DNER: variants seen among roughly 807,000 people sequenced by gnomAD.
DNER encodes the protein delta/notch like EGF repeat containing, also known as delta and Notch-like epidermal growth factor-related receptor.
A neutral mutation model predicts 78.2 loss-of-function variants in DNER; 33 were observed. That is an observed-to-expected ratio of 0.42 (90% CI 0.32 to 0.56). The LOEUF (loss-of-function observed/expected upper bound fraction) is 0.56. Among genes scored for constraint, DNER ranks in the 20% least tolerant of loss-of-function variants. DNER has a pLI of 0.11. For missense variants in DNER, 918 were observed against 975.3 expected (o/e 0.94, Z 0.78); for synonymous variants, 417 against 384.8 (o/e 1.08, Z -0.98).
At chr2:229,418,310 T>C in intron 8 of DNER, 80 bp from the exon 9 acceptor site, 1 of 1,581,994 alleles carries the variant, frequency 6.3e-7, no homozygotes. Context: ...AGGAAGGCAG[T>C]TGGGGGTATT....
chr2:229,541,119 G>C (rs1165286451), intron 5 of DNER, among the ~76,000 whole-genome samples: 1 of 152,206 alleles, frequency 6.6e-6, no homozygotes, highest in Non-Finnish European at 1.5e-5. Context: ...TCAGCAGGAA[G>C]GGGGAGATGA....
At chr2:229,572,278 C>T (rs1045523316) in intron 4 of DNER, among the ~76,000 whole-genome samples, 2 of 152,252 alleles carry the variant, frequency 1.3e-5, no homozygotes, top group Non-Finnish European at 1.5e-5. Context: ...TCTCAACTTG[C>T]GATGTGAATT....
intron 1 of DNER, 124 bp from the exon 2 acceptor site, chr2:229,592,012 T>A (rs1458762757): frequency 5.6e-6 from 7 of 1,257,140 alleles, no homozygotes; most frequent in Non-Finnish European, 6.4e-6. Context: ...TGGAATACAC[T>A]CCTTAACTAC....
At chr2:229,379,554 T>C (rs1574814771) in intron 11 of DNER, among the ~76,000 whole-genome samples, 1 of 152,234 alleles carries the variant, frequency 6.6e-6, no homozygotes, top group Non-Finnish European at 1.5e-5. Context: ...CTTGATGATA[T>C]CCTGTGTGTT....
At chr2:229,424,862 G>A (rs187373661) in intron 8 of DNER, among the ~76,000 whole-genome samples, 13 of 151,908 alleles carry the variant, frequency 8.6e-5, no homozygotes, top group East Asian at 5.8e-4. Flanking sequence ...ATGTTGAGTC[G>A]CATCCCTGAC....
intron 1 of DNER, among the ~76,000 whole-genome samples, chr2:229,610,303 G>A (rs1042290009): frequency 4.6e-5 from 7 of 152,160 alleles, no homozygotes; most frequent in Admixed American, 3.3e-4. Flanking sequence ...ACTCTCAACG[G>A]CCTCACAGCG....
At chr2:229,424,042 A>T (rs145859373) in intron 8 of DNER, among the ~76,000 whole-genome samples, 2,593 of 152,320 alleles carry the variant, frequency 0.017, 41 homozygotes, top group Middle Eastern at 0.058. Context: ...AGGCTACACA[A>T]ATAAAACTGT....
At chr2:229,502,637 CA>C (rs753424563) in intron 6 of DNER, among the ~76,000 whole-genome samples, 9 of 152,060 alleles carry the variant, frequency 5.9e-5, no homozygotes, top group African/African-American at 9.6e-5. Context: ...ATAACAAAAA[CA>C]AAAAACAAGA....
At chr2:229,659,351 CCATT>C (rs1559198767) in intron 1 of DNER, among the ~76,000 whole-genome samples, 1 of 152,144 alleles carries the variant, frequency 6.6e-6, no homozygotes, top group Non-Finnish European at 1.5e-5. Context: ...ACTCCCCACT[CCATT>C]CACTAGCAAG....
chr2:229,503,834 T>C (rs1365144537), intron 6 of DNER, among the ~76,000 whole-genome samples: 1 of 151,942 alleles, frequency 6.6e-6, no homozygotes. Flanking sequence ...CTCTGCCTCC[T>C]GGGTTCAAGT....
chr2:229,661,148 A>AATAAATATT (rs1430579337), intron 1 of DNER, among the ~76,000 whole-genome samples: 1 of 152,246 alleles, frequency 6.6e-6, no homozygotes, highest in African/African-American at 2.4e-5. Flanking sequence ...TGCCTCATGC[A>AATAAATATT]ATAAATATTT....
At chr2:229,425,380 T>C (rs1693851410) in intron 8 of DNER, among the ~76,000 whole-genome samples, 1 of 152,148 alleles carries the variant, frequency 6.6e-6, no homozygotes, top group Non-Finnish European at 1.5e-5. Flanking sequence ...GCTAGTGCTC[T>C]TCCTACTTTT....
chr2:229,377,215 A>C (rs2106330634), intron 11 of DNER, among the ~76,000 whole-genome samples: 1 of 152,322 alleles, frequency 6.6e-6, no homozygotes, highest in Admixed American at 6.5e-5. Flanking sequence ...CATAAATCTA[A>C]AATAGCCTAT....
chr2:229,394,693 G>T (rs932167142), intron 10 of DNER, among the ~76,000 whole-genome samples: 1 of 152,204 alleles, frequency 6.6e-6, no homozygotes, highest in Non-Finnish European at 1.5e-5. Context: ...AAGGAAGGAT[G>T]GCGAGCAGCC....
intron 9 of DNER, among the ~76,000 whole-genome samples, chr2:229,414,214 T>C (rs1693593954): frequency 6.6e-6 from 1 of 152,186 alleles, no homozygotes. Context: ...TTTACCTCCC[T>C]GTTTTCAGCA....
At chr2:229,369,704 C>A (rs936313475) in intron 11 of DNER, among the ~76,000 whole-genome samples, 12 of 152,122 alleles carry the variant, frequency 7.9e-5, no homozygotes, top group Non-Finnish European at 1.3e-4. Flanking sequence ...TGGAAGGACA[C>A]AATGTAATCT....
chr2:229,390,001 T>G (rs1236884953), intron 10 of DNER, among the ~76,000 whole-genome samples: 1 of 152,218 alleles, frequency 6.6e-6, no homozygotes, highest in Non-Finnish European at 1.5e-5. Flanking sequence ...TAGTCATAGA[T>G]TAAACTATTA....
At chr2:229,642,110 A>G (rs1028410394) in intron 1 of DNER, among the ~76,000 whole-genome samples, 1 of 152,222 alleles carries the variant, frequency 6.6e-6, no homozygotes, top group Non-Finnish European at 1.5e-5. Context: ...AACATAGTCT[A>G]TTACCTTATA....
At chr2:229,414,168 T>A (rs759181227) in intron 9 of DNER, among the ~76,000 whole-genome samples, 9 of 152,280 alleles carry the variant, frequency 5.9e-5, no homozygotes, top group Non-Finnish European at 1.3e-4. Flanking sequence ...CACTCTTAGT[T>A]TAGAAGTTCT....
Sources: gnomAD v4.1 joint callset for allele counts (sites outside exome capture counted in the v4.1 genomes callset) on GRCh38, gnomAD v4.1.1 for gene constraint, MANE v1.5 for transcripts, NCBI Gene and HGNC (gene_info 2026-07-23, HGNC 2026-07-21) for gene names.